RNF220: variants seen among roughly 807,000 people sequenced by gnomAD.
RNF220 encodes the protein ring finger protein 220.
In RNF220, 7 loss-of-function variants were observed where a neutral mutation model predicts 67.1. That is an observed-to-expected ratio of 0.10 (90% CI 0.06 to 0.20). The LOEUF (loss-of-function observed/expected upper bound fraction) is 0.20, where lower values mean the gene tolerates loss of function less well. Among genes scored for constraint, RNF220 ranks in the 10% least tolerant of loss-of-function variants. RNF220 has a pLI of 1.00. For missense variants in RNF220, 565 were observed against 740.3 expected, an observed-to-expected ratio of 0.76 and a Z score of 2.75; for synonymous variants, 270 against 283.2, an observed-to-expected ratio of 0.95 and a Z score of 0.47.
At chr1:44,559,559 C>T (rs1280195045) in intron 2 of RNF220, among the ~76,000 whole-genome samples, 1 of 152,204 alleles carries the variant, frequency 6.6e-6, no homozygotes, top group Non-Finnish European at 1.5e-5. Context: ...AGGCTGCGCT[C>T]CAGCGGTGAT....
intron 2 of RNF220, among the ~76,000 whole-genome samples, chr1:44,570,872 G>C (rs376353329): frequency 1.3e-5 from 2 of 152,054 alleles, no homozygotes; most frequent in African/African-American, 4.8e-5. Context: ...CCAGGAGTTC[G>C]AGACCAGCCT....
chr1:44,580,803 G>C (rs1255397359), intron 2 of RNF220, among the ~76,000 whole-genome samples: 2 of 152,224 alleles, frequency 1.3e-5, no homozygotes, highest in Non-Finnish European at 2.9e-5. Flanking sequence ...CACCTGACCT[G>C]CTCTGCTGGT....
intron 2 of RNF220, among the ~76,000 whole-genome samples, chr1:44,499,066 A>G (rs979473558): frequency 1.5e-4 from 23 of 152,034 alleles, no homozygotes; most frequent in African/African-American, 5.3e-4. Context: ...TCCAACTCCA[A>G]TGGGAAGGAC....
chr1:44,418,511 C>T (rs1052474853), intron 2 of RNF220, among the ~76,000 whole-genome samples: 1 of 152,152 alleles, frequency 6.6e-6, no homozygotes, highest in African/African-American at 2.4e-5. Flanking sequence ...CTCTGAGGCT[C>T]GCAGCCAGCA....
intron 2 of RNF220, among the ~76,000 whole-genome samples, chr1:44,552,570 T>A (rs1471541432): frequency 1.1e-5 from 1 of 89,316 alleles, no homozygotes; most frequent in African/African-American, 4.3e-5. Flanking sequence ...CTTCTTCTTT[T>A]TTTTTTTTTT....
chr1:44,631,668 A>G (rs1420044571), intron 5 of RNF220: 3 of 155,552 alleles, frequency 1.9e-5, no homozygotes, highest in African/African-American at 7.2e-5. Flanking sequence ...AAAGCACCCA[A>G]CGCGATGCCT....
chr1:44,418,743 A>T (rs1162954545), intron 2 of RNF220, among the ~76,000 whole-genome samples: 4 of 152,088 alleles, frequency 2.6e-5, no homozygotes, highest in Non-Finnish European at 5.9e-5. Flanking sequence ...TGAAAAATAG[A>T]ATTATATTTT....
chr1:44,553,072 TCAACTC>T (rs1662793493), intron 2 of RNF220, among the ~76,000 whole-genome samples: 1 of 152,188 alleles, frequency 6.6e-6, no homozygotes, highest in Non-Finnish European at 1.5e-5. Context: ...CCTCCCCCTG[TCAACTC>T]CAAGATTTCC....
At chr1:44,405,170 T>G, upstream of RNF220, 1 of 260,962 alleles carries the variant, frequency 3.8e-6, no homozygotes. Flanking sequence ...AGTGCCTGTA[T>G]GTGTGTGAGT....
intron 2 of RNF220, among the ~76,000 whole-genome samples, chr1:44,595,764 A>T (rs188908016): frequency 1.3e-5 from 2 of 151,648 alleles, no homozygotes; most frequent in East Asian, 1.9e-4. Context: ...TTTTATTTTT[A>T]TTTATTTTTT....
chr1:44,550,800 A>T (rs139909244), intron 2 of RNF220, among the ~76,000 whole-genome samples: 1 of 152,220 alleles, frequency 6.6e-6, no homozygotes, highest in East Asian at 1.9e-4. Flanking sequence ...CTCAGTGGAG[A>T]TGCTCAGGGC....
chr1:44,616,598 C>T (rs898771630), intron 3 of RNF220, among the ~76,000 whole-genome samples: 30 of 152,082 alleles, frequency 2.0e-4, no homozygotes, highest in Non-Finnish European at 3.5e-4. Flanking sequence ...ATCCCTACCC[C>T]CCGCCCACAC....
At chr1:44,560,160 C>G (rs1053502726) in intron 2 of RNF220, among the ~76,000 whole-genome samples, 31 of 152,196 alleles carry the variant, frequency 2.0e-4, no homozygotes. Context: ...GGAACTGGGT[C>G]TAAATCATCC....
chr1:44,431,060 G>A (rs975454565), intron 2 of RNF220, among the ~76,000 whole-genome samples: 4 of 152,158 alleles, frequency 2.6e-5, no homozygotes, highest in African/African-American at 4.8e-5. Context: ...GTGTGTGTGC[G>A]TTGACAAAAT....
At chr1:44,500,209 C>T (rs1462359595) in intron 2 of RNF220, among the ~76,000 whole-genome samples, 1 of 152,240 alleles carries the variant, frequency 6.6e-6, no homozygotes, top group East Asian at 1.9e-4. Context: ...GGCCTCCCTG[C>T]CCTCTGGGCT....
chr1:44,511,370 A>G (rs1658978823), intron 2 of RNF220, among the ~76,000 whole-genome samples: 1 of 152,132 alleles, frequency 6.6e-6, no homozygotes, highest in African/African-American at 2.4e-5. Context: ...TATGTTTAGC[A>G]ATATATTGAG....
intron 2 of RNF220, among the ~76,000 whole-genome samples, chr1:44,494,600 A>G (rs2148063061): frequency 1.4e-5 from 2 of 145,016 alleles, no homozygotes; most frequent in East Asian, 1.9e-4. Flanking sequence ...GTTAAAAAGA[A>G]AAAAAAAAGA....
chr1:44,596,457 G>C lies in RNF220; in HGVS notation c.626-17708G>C, dbSNP rs180760917. 1.3e-4 allele frequency among the ~76,000 whole-genome samples: 19 copies of C among 149,520 alleles called. No homozygotes were observed. The East Asian group carries it at 3.7e-3, about 29-fold the overall frequency. ...GGTACCTGTAATCCCAGCTACTCGG[G>C]AGGCTGAGGCAGGAGAATCACTTGA... is the stretch of plus-strand genomic sequence containing the variant. On this transcript the variant is annotated intron_variant, in intron 2 of 14. Coordinates refer to ENST00000361799, the MANE Select transcript of RNF220 (RefSeq NM_018150.4).
chr1:44,405,169 ATGTG>A (rs1470054100), upstream of RNF220: 1 of 256,746 alleles, frequency 3.9e-6, no homozygotes, highest in Non-Finnish European at 7.3e-6. Context: ...GAGTGCCTGT[ATGTG>A]TGTGAGTGTG....
Sources: gnomAD v4.1 joint callset for allele counts (sites outside exome capture counted in the v4.1 genomes callset) on GRCh38, gnomAD v4.1.1 for gene constraint, MANE v1.5 for transcripts, NCBI Gene and HGNC (gene_info 2026-07-23, HGNC 2026-07-21) for gene names.